BCAP29: variants seen among roughly 807,000 people sequenced by gnomAD.
BCAP29 encodes the protein B cell receptor associated protein 29, also known as B-cell receptor-associated protein 29.
Under a neutral mutation model 31.8 loss-of-function variants are expected in BCAP29, and 34 were observed. The observed-to-expected ratio is 1.07, with a 90% CI of 0.81 to 1.42. The LOEUF is 1.42. BCAP29 is among the 40% of genes most tolerant of loss of function. The pLI is 0.00. For synonymous variants in BCAP29, 104 were observed against 91.3 expected (o/e 1.14, Z -0.79); for missense variants, 314 against 269.2 (o/e 1.17, Z -1.16).
chr7:107,598,975 A>G (rs922665254), intron 5 of BCAP29, among the ~76,000 whole-genome samples: 3 of 132,002 alleles, frequency 2.3e-5, no homozygotes, highest in African/African-American at 5.8e-5. Context: ...AAATTTATAT[A>G]TCTATAAATT....
At chr7:107,615,842 T>C (rs71566735) in intron 7 of BCAP29, 27 of 155,154 alleles carry the variant, frequency 1.7e-4, no homozygotes, top group Admixed American at 1.7e-3. Context: ...GTATATGTTG[T>C]TTTGTTTACT....
chr7:107,582,761 C>T (rs943431854), intron 2 of BCAP29, among the ~76,000 whole-genome samples: 2 of 152,152 alleles, frequency 1.3e-5, no homozygotes, highest in Admixed American at 6.5e-5. Context: ...AGATCTCTTA[C>T]ATTCCCTTTT....
intron 3 of BCAP29, chr7:107,587,893 T>G (rs796993965): frequency 2.0e-5 from 3 of 152,230 alleles, no homozygotes; most frequent in African/African-American, 7.2e-5. Flanking sequence ...ATATTACTAC[T>G]GCTTCTTAAA....
At chr7:107,592,384 G>A (rs1470071858) in intron 3 of BCAP29, among the ~76,000 whole-genome samples, 1 of 152,100 alleles carries the variant, frequency 6.6e-6, no homozygotes, top group Non-Finnish European at 1.5e-5. Flanking sequence ...AAACCACAAA[G>A]AAATGCCACT....
chr7:107,599,223 AT>A (rs1206929358), intron 5 of BCAP29, among the ~76,000 whole-genome samples: 1 of 14,672 alleles, frequency 6.8e-5, no homozygotes, highest in Non-Finnish European at 1.3e-4. Flanking sequence ...ATATATATAC[AT>A]AATTATATAT....
chr7:107,580,605 C>T, intron 1 of BCAP29, 154 bp from the exon 2 acceptor site: 2 of 568,234 alleles, frequency 3.5e-6, no homozygotes, highest in Non-Finnish European at 6.0e-6. Flanking sequence ...CCGGGCCACC[C>T]TTTTCCCCTT....
downstream of BCAP29, chr7:107,621,646 T>C (rs1814981764): frequency 4.3e-6 from 2 of 467,412 alleles, no homozygotes; most frequent in Non-Finnish European, 8.9e-6. Context: ...AGGGAGATAT[T>C]ACCACACAGA....
downstream of BCAP29, chr7:107,622,144 T>C (rs1004927658): frequency 5.5e-6 from 2 of 362,356 alleles, no homozygotes; most frequent in Non-Finnish European, 1.1e-5. Context: ...ACATGGACTA[T>C]GACGACCTCC....
chr7:107,602,897 G>A (rs1331406616), intron 6 of BCAP29, among the ~76,000 whole-genome samples: 1 of 149,774 alleles, frequency 6.7e-6, no homozygotes, highest in Non-Finnish European at 1.5e-5. Flanking sequence ...GATGTCCAAA[G>A]AGATTGATTT....
intron 6 of BCAP29, among the ~76,000 whole-genome samples, chr7:107,601,658 A>G (rs145746557): frequency 2.8e-4 from 42 of 152,376 alleles, no homozygotes; most frequent in Non-Finnish European, 5.6e-4. Flanking sequence ...TTTATATGAA[A>G]ATGAATTTAA....
At chr7:107,592,257 CAA>C (rs1809005849) in intron 3 of BCAP29, among the ~76,000 whole-genome samples, 1 of 151,974 alleles carries the variant, frequency 6.6e-6, no homozygotes, top group African/African-American at 2.4e-5. Context: ...GCAAATAACC[CAA>C]TTTAAAAATG....
At chr7:107,595,370 A>G (rs964931023) in intron 4 of BCAP29, among the ~76,000 whole-genome samples, 1 of 152,204 alleles carries the variant, frequency 6.6e-6, no homozygotes, top group African/African-American at 2.4e-5. Context: ...GTGTCTTAAC[A>G]CTTAGCAGTT....
chr7:107,594,796 C>G (rs1002183902), intron 4 of BCAP29, among the ~76,000 whole-genome samples: 9 of 152,164 alleles, frequency 5.9e-5, no homozygotes, highest in African/African-American at 2.2e-4. Context: ...GCCAACGCGC[C>G]CGGCCTGTAG....
Position 107,594,003 on chromosome 7 carries a change from A to G in BCAP29, c.242A>G (p.Lys81Arg), listed in dbSNP as rs746700605. 6 of 1,613,816 alleles carry G rather than the reference A, an allele frequency of 3.7e-6. No individual in the cohort carries two copies. The African/African-American group carries it at 4.0e-5, about 11-fold the overall frequency. The change falls in exon 4 of 8, where the codon AAG becomes AGG. Residue 81 changes from lysine to arginine, a missense_variant. Transcript: ENST00000005259. ...RKYSSVHTIE[K>R]SSTSRPDAYE... ...TATTCCTCAGTTCATACCATTGAGA[A>G]GAGCTCCACCAGCAGACCTGATGCC...
intron 6 of BCAP29, among the ~76,000 whole-genome samples, chr7:107,605,320 A>G (rs1283975192): frequency 6.6e-6 from 1 of 152,222 alleles, no homozygotes; most frequent in Non-Finnish European, 1.5e-5. Flanking sequence ...ACAGAGGGAC[A>G]TTAAAGCAAG....
chr7:107,598,769 C>T (rs1020740134), intron 5 of BCAP29, among the ~76,000 whole-genome samples: 3 of 151,406 alleles, frequency 2.0e-5, no homozygotes, highest in Non-Finnish European at 4.4e-5. Context: ...TAGAACCTGT[C>T]AGTATCAAGT....
chr7:107,590,821 A>G (rs1051436246), intron 3 of BCAP29, among the ~76,000 whole-genome samples: 58 of 145,534 alleles, frequency 4.0e-4, no homozygotes, highest in Non-Finnish European at 6.1e-4. Context: ...CCTGTCTCAG[A>G]AAAAAAAAAA....
Position 107,580,757 on chromosome 7 carries a change from A to T in BCAP29, c.-14-2A>T. 2 of 1,574,996 alleles carry T rather than the reference A, an allele frequency of 1.3e-6. No homozygotes were observed. Among genetic ancestry groups the T allele is most frequent in the Non-Finnish European group, 1.7e-6 (2 of 1,156,494 alleles). On this transcript the variant is annotated splice_acceptor_variant, in intron 1 of 7. Transcript: ENST00000005259. LOFTEE classifies it low-confidence loss of function (5UTR_SPLICE). The stretch of plus-strand genomic sequence containing the variant: ...AGAGAAAATAAGTGTTTTTCCATTT[A>T]GGTGTGAAGAAAAAAATGACACTCC...
chr7:107,612,402 TA>T (rs1162040253), intron 6 of BCAP29, among the ~76,000 whole-genome samples: 336 of 28,094 alleles, frequency 0.012, 15 homozygotes, highest in Non-Finnish European at 0.023. Context: ...TATATATATA[TA>T]TATATATATA....
Sources: gnomAD v4.1 joint callset for allele counts (sites outside exome capture counted in the v4.1 genomes callset) on GRCh38, gnomAD v4.1.1 for gene constraint, MANE v1.5 for transcripts, NCBI Gene and HGNC (gene_info 2026-07-23, HGNC 2026-07-21) for gene names.